The following KAT6B variants were observed in gnomAD, a reference collection of about 807,000 sequenced individuals.
KAT6B encodes the protein lysine acetyltransferase 6B.
Under a neutral mutation model 187.5 loss-of-function variants are expected in KAT6B, and 10 were observed. That is an observed-to-expected ratio of 0.05 (90% CI 0.03 to 0.09). The LOEUF (loss-of-function observed/expected upper bound fraction) is 0.09. Ranked by LOEUF, KAT6B falls within the 10% of genes least tolerant of loss-of-function variation. The probability of loss-of-function intolerance (pLI) is 1.00; values close to 1 mark genes in which losing one functional copy is unlikely to be tolerated. For missense variants in KAT6B, 1,952 were observed against 2,558.9 expected, an observed-to-expected ratio of 0.76 and a Z score of 5.12; for synonymous variants, 861 against 926.8, an observed-to-expected ratio of 0.93 and a Z score of 1.29.
intron 3 of KAT6B, among the ~76,000 whole-genome samples, chr10:74,881,255 T>G (rs1844832494): frequency 6.6e-6 from 1 of 152,162 alleles, no homozygotes; most frequent in Non-Finnish European, 1.5e-5. Flanking sequence ...CATGCCCTGT[T>G]GGTTTTATAG....
chr10:74,928,512 ACTC>A (rs770819001), intron 3 of KAT6B, among the ~76,000 whole-genome samples: 37 of 152,214 alleles, frequency 2.4e-4, no homozygotes, highest in Admixed American at 1.3e-3. Context: ...TATTTAGTGA[ACTC>A]CACTACTACA....
intron 3 of KAT6B, among the ~76,000 whole-genome samples, chr10:74,904,905 G>T (rs1170727818): frequency 6.6e-6 from 1 of 151,984 alleles, no homozygotes; most frequent in Non-Finnish European, 1.5e-5. Context: ...GTAGTTTGAT[G>T]GTCTAAGGAG....
chr10:74,902,971 G>A lies in KAT6B; in HGVS notation c.622-56999G>A, dbSNP rs538200050. Among the ~76,000 whole-genome samples the A allele has an allele frequency of 8.5e-5, 13 of 152,300 alleles. No individual in the cohort carries two copies. In the South Asian group the frequency reaches 2.7e-3, roughly 32 times the overall value. ...AATTTTTATGAAACTTGATTTCTGT[G>A]AGTGGGCAAAATACATTCATAAGGT... On this transcript the variant is annotated intron_variant, in intron 3 of 17. Transcript: ENST00000287239.
rs143216078 is a variant in KAT6B, at chr10:74,931,393, C to T, written c.622-28577C>T. 2.6e-3 allele frequency among the ~76,000 whole-genome samples: 391 copies of T among 152,210 alleles called. 3 individuals are homozygous for T. The highest frequency in any genetic ancestry group is 9.1e-3 in the African/African-American group (376 of 41,510). On this transcript the variant is annotated intron_variant, in intron 3 of 17. Coordinates refer to ENST00000287239, the MANE Select transcript of KAT6B (RefSeq NM_012330.4). ...CTCTGTCAGTCTCCGTGTTAAAATT[C>T]CCTTCAAGACTCACCTCCTTAGAGA...
chr10:74,967,890 A>G (rs1292987724), intron 4 of KAT6B, among the ~76,000 whole-genome samples: 3 of 152,232 alleles, frequency 2.0e-5, no homozygotes, highest in Admixed American at 2.0e-4. Flanking sequence ...GTCACAAAGT[A>G]CAAAAGCAGA....
At chr10:74,833,270 AAAAAAAGAC>A (rs1346731415) in intron 1 of KAT6B, among the ~76,000 whole-genome samples, 2 of 152,122 alleles carry the variant, frequency 1.3e-5, no homozygotes, top group African/African-American at 2.4e-5. Context: ...TTTAAATGCC[AAAAAAAGAC>A]ACTCTAAATT....
intron 3 of KAT6B, among the ~76,000 whole-genome samples, chr10:74,857,001 G>C (rs1219291794): frequency 1.3e-5 from 2 of 152,174 alleles, no homozygotes; most frequent in African/African-American, 4.8e-5. Context: ...CTCATTACTG[G>C]TGGTGCTTAG....
chr10:74,962,489 A>C (rs762267181), intron 4 of KAT6B, among the ~76,000 whole-genome samples: 1 of 152,174 alleles, frequency 6.6e-6, no homozygotes, highest in South Asian at 2.1e-4. Flanking sequence ...AGAAGAGTCT[A>C]TTGGTTCTGG....
chr10:74,959,143 G>T (rs959492092), intron 3 of KAT6B, among the ~76,000 whole-genome samples: 1 of 152,022 alleles, frequency 6.6e-6, no homozygotes, highest in Non-Finnish European at 1.5e-5. Context: ...GAAGACCTTC[G>T]TGGCACAAAA....
intron 4 of KAT6B, among the ~76,000 whole-genome samples, chr10:74,962,986 TG>T (rs1841209198): frequency 1.3e-5 from 2 of 152,128 alleles, no homozygotes; most frequent in African/African-American, 4.8e-5. Flanking sequence ...ACTTGCTGGG[TG>T]TGTAACTTTG....
intron 12 of KAT6B, among the ~76,000 whole-genome samples, chr10:74,988,482 C>A (rs958841758): frequency 6.6e-6 from 1 of 152,128 alleles, no homozygotes; most frequent in Non-Finnish European, 1.5e-5. Context: ...ATTTCTCTAG[C>A]TTTTTACATT....
chr10:74,981,769 A>T lies in KAT6B; in HGVS notation c.2232-18A>T. The T allele has an allele frequency of 6.8e-7, 1 of 1,466,042 alleles. No homozygotes were observed. The highest frequency in any genetic ancestry group is 2.3e-5 in the East Asian group (1 of 44,052). The allele number at this position is 1,466,042 out of a possible 1,614,324, so 90.8% of individuals were successfully genotyped here. ...TATAATCTATCTGATAGATTCTATG[A>T]TTTTTAAACTTTAACAGATTACCAA... is the stretch of plus-strand genomic sequence containing the variant. On this transcript the variant is annotated intron_variant, in intron 10 of 17. Transcript: ENST00000287239.
chr10:74,837,483 A>G (rs536426776), intron 1 of KAT6B, among the ~76,000 whole-genome samples: 8 of 152,196 alleles, frequency 5.3e-5, no homozygotes, highest in Non-Finnish European at 1.0e-4. Flanking sequence ...TTCGCTTGTG[A>G]TAGAATGTCC....
At chr10:74,925,077 T>C (rs117983486) in intron 3 of KAT6B, among the ~76,000 whole-genome samples, 2,090 of 152,328 alleles carry the variant, frequency 0.014, 12 homozygotes, top group Non-Finnish European at 0.02. Flanking sequence ...AGAAGGAGTC[T>C]CGCTTAGGCT....
intron 13 of KAT6B, among the ~76,000 whole-genome samples, chr10:74,992,936 C>T (rs1477778476): frequency 1.3e-5 from 2 of 152,184 alleles, no homozygotes; most frequent in African/African-American, 4.8e-5. Context: ...GAGTGACTAT[C>T]GTGGATTGGT....
chr10:74,972,942 T>C (rs2133692749), intron 7 of KAT6B, among the ~76,000 whole-genome samples: 1 of 152,354 alleles, frequency 6.6e-6, no homozygotes. Context: ...TATTACTGGC[T>C]GAGCATTAGA....
At chr10:74,929,418 A>G (rs959180409) in intron 3 of KAT6B, among the ~76,000 whole-genome samples, 1 of 152,224 alleles carries the variant, frequency 6.6e-6, no homozygotes. Context: ...TTCAGTGAAC[A>G]TAAAGTATTT....
At chr10:74,937,313 C>T (rs1849340682) in intron 3 of KAT6B, among the ~76,000 whole-genome samples, 1 of 152,162 alleles carries the variant, frequency 6.6e-6, no homozygotes, top group Non-Finnish European at 1.5e-5. Flanking sequence ...CACTCTCACA[C>T]CTTAGTTAAC....
chr10:74,899,043 C>T (rs1846192960), intron 3 of KAT6B, among the ~76,000 whole-genome samples: 1 of 149,064 alleles, frequency 6.7e-6, no homozygotes, highest in African/African-American at 2.5e-5. Flanking sequence ...CACCTGTAAT[C>T]TCAGCTACTT....
Sources: gnomAD v4.1 joint callset for allele counts (sites outside exome capture counted in the v4.1 genomes callset) on GRCh38, gnomAD v4.1.1 for gene constraint, MANE v1.5 for transcripts, NCBI Gene and HGNC (gene_info 2026-07-23, HGNC 2026-07-21) for gene names.